SOX5: variants seen among roughly 807,000 people sequenced by gnomAD.
SOX5 encodes the protein SRY-box transcription factor 5.
A neutral mutation model predicts 92.0 loss-of-function variants in SOX5; 9 were observed. The observed-to-expected ratio is 0.10, with a 90% confidence interval of 0.06 to 0.17. The LOEUF is 0.17. SOX5 is among the 10% of genes least tolerant of loss of function. The pLI is 1.00. For missense variants in SOX5, 642 were observed against 944.5 expected, an observed-to-expected ratio of 0.68 and a Z score of 4.20; for synonymous variants, 344 against 336.3, an observed-to-expected ratio of 1.02 and a Z score of -0.25.
chr12:24,499,236 G>A (rs775493039), intron 1 of SOX5, among the ~76,000 whole-genome samples: 8 of 152,132 alleles, frequency 5.3e-5, no homozygotes, highest in Non-Finnish European at 1.0e-4. Flanking sequence ...CATCCCCATC[G>A]TCCCCCCTGC....
At chr12:24,373,062 G>A (rs960301823) in intron 1 of SOX5, among the ~76,000 whole-genome samples, 4 of 151,796 alleles carry the variant, frequency 2.6e-5, no homozygotes, top group Non-Finnish European at 5.9e-5. Context: ...AGGCTGCAGG[G>A]AGCCGAGAAC....
chr12:24,320,620 C>T (rs1950116916), intron 2 of SOX5, among the ~76,000 whole-genome samples: 1 of 152,098 alleles, frequency 6.6e-6, no homozygotes, highest in Non-Finnish European at 1.5e-5. Flanking sequence ...AATACCAGCA[C>T]TTTGGGAGGC....
At chr12:23,957,480 T>C (rs750621703) in intron 4 of SOX5, among the ~76,000 whole-genome samples, 7 of 152,182 alleles carry the variant, frequency 4.6e-5, no homozygotes, top group African/African-American at 1.7e-4. Context: ...GGAACTGTGA[T>C]TGGCGTAGGG....
At chr12:24,232,682 A>G (rs2728841) in intron 3 of SOX5, among the ~76,000 whole-genome samples, 123,545 of 152,108 alleles carry the variant, frequency 0.81, 50,336 homozygotes, top group Non-Finnish European at 0.84. Flanking sequence ...ATCTTGGCAA[A>G]GGAAAAATGT....
intron 2 of SOX5, among the ~76,000 whole-genome samples, chr12:24,364,511 C>CATAT (rs58135899): frequency 0.098 from 10,814 of 110,090 alleles, 590 homozygotes; most frequent in Non-Finnish European, 0.11. Flanking sequence ...AACATTTTTT[C>CATAT]ATATATATAT....
intron 12 of SOX5, among the ~76,000 whole-genome samples, chr12:23,545,597 A>C (rs972816067): frequency 2.0e-5 from 3 of 152,108 alleles, no homozygotes; most frequent in African/African-American, 7.2e-5. Flanking sequence ...AGTACATAGC[A>C]CTAGGGAGAA....
intron 11 of SOX5, among the ~76,000 whole-genome samples, chr12:23,554,839 G>C (rs531845580): frequency 6.6e-6 from 1 of 152,008 alleles, no homozygotes; most frequent in Non-Finnish European, 1.5e-5. Flanking sequence ...ACATAATAAA[G>C]AATCTATCTA....
At chr12:24,482,190 A>ACACT (rs1259795030) in intron 1 of SOX5, among the ~76,000 whole-genome samples, 4 of 152,222 alleles carry the variant, frequency 2.6e-5, no homozygotes, top group South Asian at 2.1e-4. Context: ...GATACACTGT[A>ACACT]CACTCACACA....
chr12:24,342,507 TA>T (rs921038378), intron 2 of SOX5, among the ~76,000 whole-genome samples: 11 of 152,232 alleles, frequency 7.2e-5, no homozygotes, highest in Non-Finnish European at 1.6e-4. Context: ...CAAATCTTCC[TA>T]GTAACCAAAG....
At chr12:23,658,888 G>A (rs543622118) in intron 7 of SOX5, among the ~76,000 whole-genome samples, 1 of 152,192 alleles carries the variant, frequency 6.6e-6, no homozygotes, top group African/African-American at 2.4e-5. Context: ...GCGAGACTCC[G>A]TCTCAAAAAA....
At chr12:23,656,168 T>C (rs1423793557) in intron 7 of SOX5, among the ~76,000 whole-genome samples, 1 of 145,928 alleles carries the variant, frequency 6.9e-6, no homozygotes, top group African/African-American at 2.7e-5. Flanking sequence ...TAAGGTCTTC[T>C]GACCCCTTGT....
chr12:23,784,867 G>A (rs962819982), intron 3 of SOX5, among the ~76,000 whole-genome samples: 2 of 152,076 alleles, frequency 1.3e-5, no homozygotes, highest in Non-Finnish European at 1.5e-5. Flanking sequence ...GCTTGAGCTC[G>A]GGAGTTCAAG....
At chr12:24,061,385 C>T (rs1238075661) in intron 4 of SOX5, among the ~76,000 whole-genome samples, 9 of 151,562 alleles carry the variant, frequency 5.9e-5, no homozygotes, top group Non-Finnish European at 1.2e-4. Context: ...GCACACCAAA[C>T]CATCCATTAT....
intron 1 of SOX5, among the ~76,000 whole-genome samples, chr12:24,433,623 A>G (rs1938809868): frequency 6.6e-6 from 1 of 152,242 alleles, no homozygotes; most frequent in African/African-American, 2.4e-5. Flanking sequence ...TTTTGTAACC[A>G]TAACGTTGAA....
chr12:24,174,520 G>A lies in SOX5; in HGVS notation c.-2+38823C>T, dbSNP rs201628745. ...AAGAATACAGAATGAGTGGGGGGGG[G>A]AACCCACAAAACAAAAACAAGGCGG... On this transcript the variant is annotated intron_variant, in intron 4 of 4. Coordinates refer to the SOX5 transcript ENST00000446891. 5.0e-3 allele frequency among the ~76,000 whole-genome samples: 742 copies of A among 147,382 alleles called. 9 individuals carry two copies. Among genetic ancestry groups the A allele is most frequent in the African/African-American group, 0.018 (700 of 39,768 alleles).
In SOX5 at chr12:23,832,481, TA is replaced by T. The variant is rs369766111; in HGVS notation, c.481+13501del. ...GGAGCAGATTTTAACTACATAATAT[TA>T]AAAATGTATAAAGGAGAATTATATT... On this transcript the variant is annotated intron_variant, in intron 3 of 14. Transcript: ENST00000451604. Among the ~76,000 whole-genome samples, 569 of 152,120 alleles carry T rather than the reference TA, an allele frequency of 3.7e-3. 5 individuals are homozygous for T. Among genetic ancestry groups the T allele is most frequent in the African/African-American group, 0.013 (553 of 41,542 alleles).
rs1307992647 is a variant in SOX5 at position 23,949,611 on chromosome 12, G to A, written c.-10C>T. The A allele has an allele frequency of 2.5e-6, 4 of 1,613,548 alleles. No homozygotes were observed. The highest frequency in any genetic ancestry group is 2.2e-5 in the South Asian group (2 of 91,064). On this transcript the variant is annotated 5_prime_UTR_variant, in exon 1 of 15. Coordinates refer to ENST00000451604, the MANE Select transcript of SOX5 (RefSeq NM_006940.6). ...CAGGGTCAGTAAGCATGCTGGAAAA[G>A]CACAATTTCCCTTTGTCACAGCAGC...
At chr12:24,169,821 A>G (rs1386996731) in intron 4 of SOX5, among the ~76,000 whole-genome samples, 2 of 152,164 alleles carry the variant, frequency 1.3e-5, no homozygotes, top group South Asian at 2.1e-4. Context: ...CTACAGATAC[A>G]TAGTAAATGA....
At chr12:23,731,745 C>A (rs1207097914) in intron 6 of SOX5, among the ~76,000 whole-genome samples, 1 of 152,158 alleles carries the variant, frequency 6.6e-6, no homozygotes, top group Non-Finnish European at 1.5e-5. Context: ...TTTGCTAAAA[C>A]TGGACCAAGA....
Sources: gnomAD v4.1 joint callset for allele counts (sites outside exome capture counted in the v4.1 genomes callset) on GRCh38, gnomAD v4.1.1 for gene constraint, MANE v1.5 for transcripts, NCBI Gene and HGNC (gene_info 2026-07-23, HGNC 2026-07-21) for gene names.